The following ATP1B1 variants were observed in gnomAD, a reference collection of about 807,000 sequenced individuals.
ATP1B1 encodes the protein sodium/potassium-transporting ATPase subunit beta-1.
ATP1B1 carries 3 observed loss-of-function variants against 39.6 expected under a neutral mutation model. The observed-to-expected ratio is 0.08, with a 90% CI of 0.03 to 0.20. The LOEUF (loss-of-function observed/expected upper bound fraction) is 0.20, where lower values mean the gene tolerates loss of function less well. ATP1B1 is among the 10% of genes least tolerant of loss of function. The probability of loss-of-function intolerance (pLI) is 1.00; values close to 1 mark genes in which losing one functional copy is unlikely to be tolerated. For missense variants in ATP1B1, 216 were observed against 371.1 expected, an observed-to-expected ratio of 0.58 and a Z score of 3.43; for synonymous variants, 139 against 135.0, an observed-to-expected ratio of 1.03 and a Z score of -0.20.
intron 1 of ATP1B1, among the ~76,000 whole-genome samples, 168 bp from the exon 2 acceptor site, chr1:169,111,202 G>A (rs767597894): frequency 7.2e-5 from 11 of 152,136 alleles, no homozygotes; most frequent in Admixed American, 2.6e-4. Flanking sequence ...CCAGCTTCTC[G>A]ATTTTCACCC....
rs192644106 is a variant in ATP1B1, at chr1:169,132,057, C to G, written c.*502C>G. 6.1e-3 allele frequency: 806 copies of G among 132,234 alleles called. 33 individuals carry two copies. In the South Asian group the frequency reaches 0.061, roughly 10 times the overall value. 8.2% of individuals were successfully genotyped at this position (132,234 alleles called of 1,614,324 possible). Reference sequence around the variant, plus strand: ...TTTTTTTTTTGTTTTTTGGCTCTTTCAAAGGTAATGGCCCATCGATGAGCA... The same window carrying G: ...TTTTTTTTTTGTTTTTTGGCTCTTTGAAAGGTAATGGCCCATCGATGAGCA... On this transcript the variant is annotated 3_prime_UTR_variant, in exon 6 of 6. Coordinates refer to ENST00000367815, the MANE Select transcript of ATP1B1 (RefSeq NM_001677.4).
At chr1:169,110,219 A>T (rs887534542) in intron 1 of ATP1B1, among the ~76,000 whole-genome samples, 1 of 152,092 alleles carries the variant, frequency 6.6e-6, no homozygotes, top group African/African-American at 2.4e-5. Context: ...AACAAGGCTA[A>T]TTCCTGCAGT....
rs932139173 is a variant in ATP1B1, at chr1:169,131,162, A to G, written c.649-130A>G. The G allele has an allele frequency of 1.8e-5, 22 of 1,197,414 alleles. No homozygotes were observed. The highest frequency in any genetic ancestry group is 1.4e-4 in the African/African-American group (9 of 65,604). 74.2% of individuals were successfully genotyped at this position (1,197,414 alleles called of 1,614,324 possible). A position where few individuals can be genotyped will look rare whatever the true frequency, so the allele number is the denominator to read the frequency against. On this transcript the variant is annotated intron_variant, in intron 5 of 5. Transcript: ENST00000367815. This position sits in a 1 kb window ranked among gnomAD's most constrained non-coding sequence, Gnocchi z 4.4. ...GACCATTTCTCAAGGCTGCAATGGA[A>G]TAGACTGAGTAGATGTTCTTTCCTC...
chr1:169,123,483 G>T (rs1361750539), intron 2 of ATP1B1, among the ~76,000 whole-genome samples: 1 of 151,980 alleles, frequency 6.6e-6, no homozygotes, highest in Non-Finnish European at 1.5e-5. Flanking sequence ...ACAGAGAGGG[G>T]AGATCTGGGA....
At chr1:169,110,463 C>T (rs894865555) in intron 1 of ATP1B1, 5 of 175,472 alleles carry the variant, frequency 2.8e-5, no homozygotes, top group African/African-American at 1.2e-4. Flanking sequence ...CACAGGACTG[C>T]CAGGCAATGC....
At chr1:169,120,979 G>T (rs1200152) in intron 2 of ATP1B1, among the ~76,000 whole-genome samples, 11,020 of 135,220 alleles carry the variant, frequency 0.081, 600 homozygotes, top group East Asian at 0.14. Flanking sequence ...ACAGAGTCTC[G>T]CTCTGTTGCC....
At chr1:169,121,853 G>A (rs1657986111) in intron 2 of ATP1B1, among the ~76,000 whole-genome samples, 1 of 152,108 alleles carries the variant, frequency 6.6e-6, no homozygotes, top group Non-Finnish European at 1.5e-5. Context: ...CTCTGCTGAT[G>A]GACCACAGCT....
rs1037594516 is a variant in ATP1B1, at chr1:169,106,806, G to A, written c.-24G>A. 16 of 1,562,300 alleles carry A rather than the reference G, an allele frequency of 1.0e-5. No homozygotes were observed. The African/African-American group carries it at 1.6e-4, about 15-fold the overall frequency. On this transcript the variant is annotated 5_prime_UTR_variant, in exon 1 of 6. Transcript: ENST00000367815. ...CGCAGCCACCCACCCTCCGGACCGC[G>A]GCAGCTGCTGACCCGCCATCGCCAT...
At chr1:169,129,327 C>A (rs1015863126) in intron 4 of ATP1B1, among the ~76,000 whole-genome samples, 7 of 152,142 alleles carry the variant, frequency 4.6e-5, no homozygotes, top group African/African-American at 1.7e-4. Context: ...AGATTTGAGC[C>A]ATGGGTGTAG....
At chr1:169,108,168 G>GTCAAGGTGAAGCGTCTTT (rs1313019013) in intron 1 of ATP1B1, 3 of 152,224 alleles carry the variant, frequency 2.0e-5, no homozygotes, top group Non-Finnish European at 2.9e-5. Context: ...TTCAAGGTTA[G>GTCAAGGTGAAGCGTCTTT]TCAAGGTGAA....
intron 2 of ATP1B1, among the ~76,000 whole-genome samples, chr1:169,114,576 C>T (rs183853250): frequency 1.4e-4 from 22 of 151,880 alleles, no homozygotes; most frequent in African/African-American, 5.1e-4. Context: ...GCCTGTATGG[C>T]GATAATATTG....
intron 1 of ATP1B1, among the ~76,000 whole-genome samples, chr1:169,108,968 C>T (rs1344011878): frequency 6.6e-6 from 1 of 152,196 alleles, no homozygotes; most frequent in African/African-American, 2.4e-5. Flanking sequence ...GGAGAAAATG[C>T]CCCTTTTCCA....
chr1:169,115,408 G>C (rs1490772909), intron 2 of ATP1B1, among the ~76,000 whole-genome samples: 1 of 150,260 alleles, frequency 6.7e-6, no homozygotes, highest in Non-Finnish European at 1.5e-5. Context: ...GAGTGCAGTG[G>C]CATGATCTTG....
At chr1:169,107,884 A>G (rs946330886) in intron 1 of ATP1B1, 4 of 151,088 alleles carry the variant, frequency 2.6e-5, no homozygotes, top group Admixed American at 6.6e-5. Flanking sequence ...TCCTCCTCCA[A>G]CATCATCATC....
chr1:169,111,785 A>T (rs1657736201), intron 2 of ATP1B1, among the ~76,000 whole-genome samples: 1 of 152,200 alleles, frequency 6.6e-6, no homozygotes, highest in Admixed American at 6.5e-5. Context: ...GAACAGATTG[A>T]GTTCTGATGG....
In ATP1B1 at chr1:169,117,208, C is replaced by T. The variant is rs919834598; in HGVS notation, c.226+5710C>T. The stretch of plus-strand genomic sequence containing the variant: ...TCTCTCACTTTCCCTCTCCTCCTCC[C>T]TTCCCACCCTCAAATGGATCCTGTC... On this transcript the variant is annotated intron_variant, in intron 2 of 5. Transcript: ENST00000367815. Among the ~76,000 whole-genome samples, 3 of 152,302 alleles carry T rather than the reference C, an allele frequency of 2.0e-5. No homozygotes were observed. In the South Asian group the frequency reaches 6.2e-4, roughly 32 times the overall value.
intron 1 of ATP1B1, chr1:169,110,818 A>AT: frequency 1.8e-6 from 1 of 554,618 alleles, no homozygotes; most frequent in Non-Finnish European, 2.7e-6. Flanking sequence ...AGTAAAAAAA[A>AT]CAGGAGGATA....
At chr1:169,114,210 G>A (rs904045901) in intron 2 of ATP1B1, among the ~76,000 whole-genome samples, 2 of 124,348 alleles carry the variant, frequency 1.6e-5, no homozygotes, top group African/African-American at 6.5e-5. Flanking sequence ...TTTGTATTTT[G>A]CATAGGAAAT....
chr1:169,124,624 G>T (rs779313480), intron 2 of ATP1B1, among the ~76,000 whole-genome samples: 2 of 152,150 alleles, frequency 1.3e-5, no homozygotes, highest in Non-Finnish European at 2.9e-5. Flanking sequence ...TGCAAGCAGT[G>T]TTGTCATTCA....
Sources: gnomAD v4.1 joint callset for allele counts (sites outside exome capture counted in the v4.1 genomes callset) on GRCh38, gnomAD v4.1.1 for gene constraint, Gnocchi (gnomAD v3.1) non-coding constraint, MANE v1.5 for transcripts, NCBI Gene and HGNC (gene_info 2026-07-23, HGNC 2026-07-21) for gene names.